PMS2: variants seen among roughly 807,000 people sequenced by gnomAD.
PMS2 encodes the protein mismatch repair endonuclease PMS2.
Under a neutral mutation model 90.0 loss-of-function variants are expected in PMS2, and 69 were observed. That is an observed-to-expected ratio of 0.77 (90% CI 0.63 to 0.94). The LOEUF (loss-of-function observed/expected upper bound fraction) is 0.94. Ranked by LOEUF, PMS2 falls within the 40% of genes least tolerant of loss-of-function variation. The pLI, the probability that PMS2 is intolerant of heterozygous loss-of-function variation, is 0.00. For synonymous variants in PMS2, 332 were observed against 375.1 expected (o/e 0.89, Z 1.33); for missense variants, 966 against 1,040.2 (o/e 0.93, Z 0.98).
chr7:6,005,290 C>T (rs1311802689), intron 2 of PMS2, among the ~76,000 whole-genome samples: 6 of 152,240 alleles, frequency 3.9e-5, no homozygotes, highest in African/African-American at 1.2e-4. Flanking sequence ...CTGCAACCTC[C>T]GTCTCTCGGC....
chr7:5,996,303 C>G (rs1401645415), intron 7 of PMS2, among the ~76,000 whole-genome samples: 1 of 150,842 alleles, frequency 6.6e-6, no homozygotes, highest in South Asian at 2.1e-4. Flanking sequence ...CCTGTAATTC[C>G]AGAGCCTTGA....
At position 5,987,053 on chromosome 7, in the gene PMS2, A is replaced by G; in HGVS notation, c.1712T>C (p.Leu571Pro). 1 of 1,614,138 alleles carries G rather than the reference A, an allele frequency of 6.2e-7. No homozygotes were observed. The highest frequency in any genetic ancestry group is 8.5e-7 in the Non-Finnish European group (1 of 1,180,046). The change falls in exon 11 of 15, where the codon CTC becomes CCC. Residue 571 changes from leucine (L) to proline (P), a missense_variant. By Grantham distance (98) the Leu-to-Pro change is moderately conservative. Coordinates refer to ENST00000265849, the MANE Select transcript of PMS2 (RefSeq NM_000535.7). ...KFRVLPQPTNLATPNTKRFKK... is the reference protein window; with the variant it reads ...KFRVLPQPTNPATPNTKRFKK... The stretch of plus-strand genomic sequence containing the variant: ...AAAACGCTTTGTGTTTGGGGTTGCG[A>G]GATTAGTTGGCTGAGGCAAAACTCG...
At chr7:5,988,282 A>G (rs570483669) in intron 10 of PMS2, among the ~76,000 whole-genome samples, 2 of 152,004 alleles carry the variant, frequency 1.3e-5, no homozygotes, top group African/African-American at 4.8e-5. Context: ...AGCTACTCCT[A>G]TCAGAAGTGC....
rs796911356 is a variant in PMS2 at position 5,997,284 on chromosome 7, T to TA, written c.803+41dup. 7.3e-6 allele frequency: 7 copies of TA among 959,536 alleles called. No homozygotes were observed. The African/African-American group carries it at 1.1e-4, about 16-fold the overall frequency. 59.4% of individuals were successfully genotyped at this position (959,536 alleles called of 1,614,324 possible). ...ATCTTTAAAAAAAAAGCTCTCAGGA[T>TA]AAAATGTTCAATTGTAGTTCTCTTG... On this transcript the variant is annotated intron_variant, in intron 7 of 14. Coordinates refer to ENST00000265849, the MANE Select transcript of PMS2 (RefSeq NM_000535.7).
rs901585169 is a variant in PMS2 at position 5,994,161 on chromosome 7, T to A, written c.903+1373A>T. ...ACTTCGGGAGGCCAAGGCAGGCAGA[T>A]CACGAGGTCAGGATTTCAAGACCAT... On this transcript the variant is annotated intron_variant, in intron 8 of 14. Transcript: ENST00000265849. Among the ~76,000 whole-genome samples the A allele has an allele frequency of 3.5e-4, 53 of 151,886 alleles. 1 individual carries two copies. The Middle Eastern group carries it at 0.01, about 29-fold the overall frequency.
intron 9 of PMS2, among the ~76,000 whole-genome samples, 192 bp downstream of exon 9, chr7:5,991,781 G>A (rs1783759326): frequency 6.6e-6 from 1 of 152,036 alleles, no homozygotes; most frequent in African/African-American, 2.4e-5. Flanking sequence ...AGAGGTTGCA[G>A]TGAGCCGAGA....
At chr7:5,990,363 T>A (rs1783607927) in intron 9 of PMS2, among the ~76,000 whole-genome samples, 1 of 152,224 alleles carries the variant, frequency 6.6e-6, no homozygotes, top group Admixed American at 6.5e-5. Flanking sequence ...CACTTGTATT[T>A]ATCACAAGTG....
rs786201878 is a variant in PMS2 at position 5,992,044 on chromosome 7, A to T, written c.917T>A (p.Val306Glu). ...ATTATACATGTGGTAGACCTCATTC[A>T]CGAGTCTGCAGACCTGCACAAAATA... The part of the protein sequence containing the change: ...PCDPAKVCRL[V>E]NEVYHMYNRH... The change falls in exon 9 of 15, where the codon GTG becomes GAG. Residue 306 changes from valine (V) to glutamate (E), a missense_variant. By Grantham distance (121) the Val-to-Glu change is moderately radical. Around this residue, in one of 2 missense-constraint regions of PMS2, gnomAD observed 871 missense variants for 802.4 expected, o/e 1.09. Coordinates refer to ENST00000265849, the MANE Select transcript of PMS2 (RefSeq NM_000535.7). 1 of 1,579,096 alleles carries T rather than the reference A, an allele frequency of 6.3e-7. No homozygotes were observed.
chr7:5,986,470 T>C (rs1483491174), intron 11 of PMS2, among the ~76,000 whole-genome samples: 1 of 152,012 alleles, frequency 6.6e-6, no homozygotes, highest in Non-Finnish European at 1.5e-5. Context: ...GGTGGCTGGA[T>C]CACCTGAAGT....
intron 7 of PMS2, among the ~76,000 whole-genome samples, 183 bp downstream of exon 7, chr7:5,997,143 G>C (rs1160157229): frequency 6.6e-6 from 1 of 151,734 alleles, no homozygotes; most frequent in African/African-American, 2.4e-5. Context: ...GAACTCAGGA[G>C]GTAGAGGTTG....
At position 5,977,837 on chromosome 7, in the gene PMS2, A is replaced by C. The variant is rs577951679; in HGVS notation, c.2276-80T>G. ...GAAAGCTACTTAGGATGAACATCTG[A>C]GGCCGGGCGTGGTGGCTCACGCCTG... On this transcript the variant is annotated intron_variant, in intron 13 of 14. Coordinates refer to ENST00000265849, the MANE Select transcript of PMS2 (RefSeq NM_000535.7). The C allele has an allele frequency of 5.8e-6, 9 of 1,561,774 alleles. 1 individual carries two copies. The South Asian group carries it at 7.9e-5, about 14-fold the overall frequency.
intron 9 of PMS2, among the ~76,000 whole-genome samples, 184 bp downstream of exon 9, chr7:5,991,789 A>G (rs1220703461): frequency 2.0e-5 from 3 of 152,114 alleles, no homozygotes; most frequent in Admixed American, 6.6e-5. Flanking sequence ...CAGTGAGCCG[A>G]GATCACGCCA....
At chr7:5,996,590 A>AAT (rs1554301106) in intron 7 of PMS2, among the ~76,000 whole-genome samples, 199 of 110,130 alleles carry the variant, frequency 1.8e-3, no homozygotes, top group Non-Finnish European at 2.0e-3. Context: ...AAAAAAAAAA[A>AAT]ATATATATAT....
intron 7 of PMS2, 56 bp from the exon 8 acceptor site, chr7:5,995,689 A>T (rs2128777168): frequency 1.7e-6 from 2 of 1,143,230 alleles, no homozygotes; most frequent in Non-Finnish European, 1.3e-6. Context: ...GATTAGAAAT[A>T]CGATCACATG....
At chr7:6,004,451 C>T (rs983298488) in intron 2 of PMS2, 17 of 185,982 alleles carry the variant, frequency 9.1e-5, no homozygotes, top group African/African-American at 3.3e-4. Context: ...TGCAGTGGTT[C>T]ATGCCTGTAA....
At chr7:5,994,233 T>C (rs1331487288) in intron 8 of PMS2, among the ~76,000 whole-genome samples, 1 of 151,008 alleles carries the variant, frequency 6.6e-6, no homozygotes, top group Non-Finnish European at 1.5e-5. Flanking sequence ...CACAAAAACT[T>C]AGCCGGGCGT....
Position 5,995,182 on chromosome 7 carries a change from C to T in PMS2, c.903+352G>A, listed in dbSNP as rs948981649. On this transcript the variant is annotated intron_variant, in intron 8 of 14. Transcript: ENST00000265849. The stretch of plus-strand genomic sequence containing the variant: ...CCTCCCATGTAGCTGGGATTACAGG[C>T]GTGGAACACCATGCCTGGTTATTTT... Among the ~76,000 whole-genome samples, 15 of 152,162 alleles carry T rather than the reference C, an allele frequency of 9.9e-5. No homozygotes were observed. The East Asian group carries it at 1.9e-3, about 20-fold the overall frequency.
At chr7:5,989,747 A>G (rs1311294806) in intron 10 of PMS2, 53 bp downstream of exon 10, 1 of 1,393,244 alleles carries the variant, frequency 7.2e-7, no homozygotes, top group African/African-American at 1.4e-5. Flanking sequence ...AAAAATAAGG[A>G]AACACATTAG....
chr7:5,983,172 G>C (rs1346040491), intron 11 of PMS2, among the ~76,000 whole-genome samples, 181 bp from the exon 12 acceptor site: 2 of 151,550 alleles, frequency 1.3e-5, no homozygotes, highest in African/African-American at 4.9e-5. Context: ...CAGTGCAATG[G>C]CACAATCTTG....
Sources: allele counts gnomAD v4.1 joint callset (sites outside exome capture counted in the v4.1 genomes callset), GRCh38; gene constraint gnomAD v4.1.1; regional missense constraint gnomAD v4.1.1; transcripts MANE v1.5; gene names NCBI Gene and HGNC (gene_info 2026-07-23, HGNC 2026-07-21).